Variants in ABCC4 observed in about 807,000 individuals in gnomAD.
The protein encoded by ABCC4 is ATP-binding cassette sub-family C member 4.
ABCC4 carries 102 observed loss-of-function variants against 168.5 expected under a neutral mutation model. That is an observed-to-expected ratio of 0.61 (90% CI 0.52 to 0.71). The LOEUF is 0.71. Among genes scored for constraint, ABCC4 ranks in the 30% least tolerant of loss-of-function variants. The pLI, the probability that ABCC4 is intolerant of heterozygous loss-of-function variation, is 0.00. For missense variants in ABCC4, 1,402 were observed against 1,605.8 expected (o/e 0.87, Z 2.17); for synonymous variants, 617 against 590.7 (o/e 1.04, Z -0.65).
chr13:95,083,579 T>C (rs1594068323), intron 20 of ABCC4, among the ~76,000 whole-genome samples: 1 of 148,526 alleles, frequency 6.7e-6, no homozygotes, highest in Admixed American at 6.9e-5. Flanking sequence ...CAGGCTGGAG[T>C]GAAGTGGTGC....
intron 1 of ABCC4, among the ~76,000 whole-genome samples, chr13:95,272,788 TGA>T (rs10607588): frequency 0.36 from 55,289 of 151,932 alleles, 11,642 homozygotes; most frequent in African/African-American, 0.59. Flanking sequence ...CTCGAGAGGC[TGA>T]GACAGGGGAA....
chr13:95,290,280 T>G (rs1236273483), intron 1 of ABCC4, among the ~76,000 whole-genome samples: 2 of 152,132 alleles, frequency 1.3e-5, no homozygotes, highest in South Asian at 2.1e-4. Flanking sequence ...GAAACTGCTA[T>G]GTAATCTAAA....
At chr13:95,255,190 G>A (rs1311331380) in intron 1 of ABCC4, among the ~76,000 whole-genome samples, 2 of 152,200 alleles carry the variant, frequency 1.3e-5, no homozygotes, top group African/African-American at 2.4e-5. Context: ...TGCTGGGGAG[G>A]AAGGAATGGT....
At chr13:95,162,073 T>C (rs2037117255) in intron 18 of ABCC4, among the ~76,000 whole-genome samples, 1 of 152,216 alleles carries the variant, frequency 6.6e-6, no homozygotes, top group East Asian at 1.9e-4. Context: ...GGGTAACTTC[T>C]ATAACAAATA....
At chr13:95,029,170 A>ATATCTATATC (rs796474163) in intron 30 of ABCC4, among the ~76,000 whole-genome samples, 2 of 9,078 alleles carry the variant, frequency 2.2e-4, no homozygotes, top group African/African-American at 6.2e-4. Flanking sequence ...AAAAATACAT[A>ATATCTATATC]TATATATATA....
intron 9 of ABCC4, among the ~76,000 whole-genome samples, chr13:95,194,627 A>G (rs913512171): frequency 1.4e-4 from 21 of 152,316 alleles, no homozygotes; most frequent in Admixed American, 4.6e-4. Context: ...AATGAGATAA[A>G]ATACAACTTG....
At chr13:95,298,205 C>A (rs1488475284) in intron 1 of ABCC4, among the ~76,000 whole-genome samples, 1 of 152,118 alleles carries the variant, frequency 6.6e-6, no homozygotes, top group Non-Finnish European at 1.5e-5. Context: ...AGGAGAATCA[C>A]TTGAACCCAG....
chr13:95,036,281 A>G (rs1461175655), intron 29 of ABCC4, among the ~76,000 whole-genome samples: 1 of 152,214 alleles, frequency 6.6e-6, no homozygotes, highest in African/African-American at 2.4e-5. Flanking sequence ...GTAAACTTTT[A>G]AAAATTATTC....
intron 8 of ABCC4, among the ~76,000 whole-genome samples, chr13:95,202,586 G>A (rs1390577607): frequency 1.3e-5 from 2 of 151,186 alleles, no homozygotes; most frequent in African/African-American, 2.4e-5. Context: ...TATGGCTGCC[G>A]CATGGAAGTG....
chr13:95,138,445 A>G (rs2036207424), intron 19 of ABCC4, among the ~76,000 whole-genome samples: 1 of 152,208 alleles, frequency 6.6e-6, no homozygotes, highest in African/African-American at 2.4e-5. Context: ...AAGAATCAAA[A>G]TGGCCACAAA....
At chr13:95,180,281 C>T (rs528432352) in intron 11 of ABCC4, among the ~76,000 whole-genome samples, 5 of 152,190 alleles carry the variant, frequency 3.3e-5, no homozygotes, top group South Asian at 2.1e-4. Context: ...CGGCCAGGCA[C>T]GGTGGCTCAC....
intron 20 of ABCC4, among the ~76,000 whole-genome samples, chr13:95,086,603 C>T (rs899817599): frequency 3.3e-5 from 5 of 152,176 alleles, no homozygotes; most frequent in Non-Finnish European, 7.3e-5. Context: ...GGTATCTATC[C>T]ACTATTTACT....
intron 1 of ABCC4, among the ~76,000 whole-genome samples, chr13:95,279,626 C>T (rs1219761023): frequency 2.0e-5 from 3 of 152,120 alleles, no homozygotes; most frequent in South Asian, 2.1e-4. Context: ...TGGAAAGGGG[C>T]GAGGCAAGGC....
intron 16 of ABCC4, among the ~76,000 whole-genome samples, chr13:95,163,935 G>A (rs186234524): frequency 1.0e-3 from 159 of 151,742 alleles, no homozygotes; most frequent in African/African-American, 3.6e-3. Context: ...CAGCTACTCC[G>A]GAGGCTGAGA....
intron 20 of ABCC4, among the ~76,000 whole-genome samples, chr13:95,110,993 A>G (rs547600552): frequency 6.6e-6 from 1 of 151,908 alleles, no homozygotes; most frequent in South Asian, 2.1e-4. Flanking sequence ...AAGAAAAAAA[A>G]AAAAAAAACC....
chr13:95,029,190 A>ATCTATATC (rs1330802161), intron 30 of ABCC4, among the ~76,000 whole-genome samples: 1 of 92,470 alleles, frequency 1.1e-5, no homozygotes, highest in African/African-American at 4.7e-5. Context: ...ATATATATAT[A>ATCTATATC]TATATATATA....
chr13:95,185,307 G>T, intron 11 of ABCC4, among the ~76,000 whole-genome samples: 1 of 152,252 alleles, frequency 6.6e-6, no homozygotes, highest in South Asian at 2.1e-4. Flanking sequence ...TTGCCTTAGC[G>T]CATCTTTTCC....
At chr13:95,114,204 G>A (rs1380706703) in intron 20 of ABCC4, among the ~76,000 whole-genome samples, 1 of 152,154 alleles carries the variant, frequency 6.6e-6, no homozygotes, top group Non-Finnish European at 1.5e-5. Context: ...TTAAATAGAA[G>A]TACAACGAGA....
intron 29 of ABCC4, among the ~76,000 whole-genome samples, chr13:95,036,049 C>T (rs1171374853): frequency 6.6e-6 from 1 of 152,188 alleles, no homozygotes; most frequent in African/African-American, 2.4e-5. Context: ...GTCACATCCA[C>T]ATAACAATTA....
Sources: allele counts gnomAD v4.1 joint callset (sites outside exome capture counted in the v4.1 genomes callset), GRCh38; gene constraint gnomAD v4.1.1; transcripts MANE v1.5; gene names NCBI Gene and HGNC (gene_info 2026-07-23, HGNC 2026-07-21).